ENTREP2: variants seen among roughly 807,000 people sequenced by gnomAD.
The protein encoded by ENTREP2 is protein ENTREP2.
At chr15:29,521,243 G>A in the ENTREP2 span, among the ~76,000 whole-genome samples, 1 of 152,178 alleles carries the variant, frequency 6.6e-6, no homozygotes, top group Non-Finnish European at 1.5e-5. Context: ...CAGAGTTAGT[G>A]TAATTCCAAT....
the ENTREP2 span, among the ~76,000 whole-genome samples, chr15:29,349,692 G>A: frequency 1.3e-5 from 2 of 152,234 alleles, no homozygotes; most frequent in South Asian, 2.1e-4. Flanking sequence ...GAGCTCAGGA[G>A]TTCGAGACCA....
At chr15:29,363,610 G>C in the ENTREP2 span, among the ~76,000 whole-genome samples, 5 of 152,148 alleles carry the variant, frequency 3.3e-5, no homozygotes, top group Admixed American at 6.5e-5. Flanking sequence ...ACTAATCCAG[G>C]CTGAAGTTCA....
At chr15:29,493,711 C>T in the ENTREP2 span, among the ~76,000 whole-genome samples, 1 of 152,048 alleles carries the variant, frequency 6.6e-6, no homozygotes, top group Non-Finnish European at 1.5e-5. Context: ...CATGGTGGCT[C>T]AGGCCTGTAA....
chr15:29,503,583 A>C, the ENTREP2 span, among the ~76,000 whole-genome samples: 6 of 152,214 alleles, frequency 3.9e-5, no homozygotes. Flanking sequence ...GGTGACTTGC[A>C]TGTTATGTGA....
the ENTREP2 span, among the ~76,000 whole-genome samples, chr15:29,439,240 G>A: frequency 0.17 from 25,645 of 149,694 alleles, 2,387 homozygotes; most frequent in East Asian, 0.35. Context: ...GCATCAGAAT[G>A]TAAGATGAAC....
the ENTREP2 span, among the ~76,000 whole-genome samples, chr15:29,306,778 C>T: frequency 4.4e-5 from 6 of 136,970 alleles, no homozygotes; most frequent in South Asian, 1.5e-3. Context: ...AGTGCAGTGG[C>T]GTGATTACCC....
chr15:29,641,270 G>T, the ENTREP2 span, among the ~76,000 whole-genome samples: 2 of 151,996 alleles, frequency 1.3e-5, no homozygotes, highest in Non-Finnish European at 2.9e-5. Flanking sequence ...GTCTGTTCTT[G>T]CCACCTCTAC....
At chr15:29,187,224 T>C in the ENTREP2 span, among the ~76,000 whole-genome samples, 1 of 152,216 alleles carries the variant, frequency 6.6e-6, no homozygotes, top group Non-Finnish European at 1.5e-5. Context: ...CCTGTCATAG[T>C]GAAAACACAA....
At chr15:29,317,387 T>C in the ENTREP2 span, among the ~76,000 whole-genome samples, 3 of 152,306 alleles carry the variant, frequency 2.0e-5, no homozygotes, top group East Asian at 3.9e-4. Context: ...AGGCAAAACA[T>C]TGTTCCCTTT....
At chr15:29,656,911 G>A in the ENTREP2 span, among the ~76,000 whole-genome samples, 1 of 152,156 alleles carries the variant, frequency 6.6e-6, no homozygotes, top group African/African-American at 2.4e-5. Flanking sequence ...GTTTAAAGCA[G>A]CTTTTTATGA....
chr15:29,134,530 T>C, the ENTREP2 span, among the ~76,000 whole-genome samples: 1 of 152,052 alleles, frequency 6.6e-6, no homozygotes, highest in Non-Finnish European at 1.5e-5. Context: ...CTGAAGGAGG[T>C]CCCTGTGGTA....
At chr15:29,507,351 G>C in the ENTREP2 span, among the ~76,000 whole-genome samples, 2 of 152,150 alleles carry the variant, frequency 1.3e-5, no homozygotes, top group African/African-American at 2.4e-5. Flanking sequence ...AGATCAATGA[G>C]ACAGAAAATT....
the ENTREP2 span, among the ~76,000 whole-genome samples, chr15:29,544,995 T>C: frequency 6.6e-6 from 1 of 152,180 alleles, no homozygotes; most frequent in Non-Finnish European, 1.5e-5. Flanking sequence ...CAAAAAGATT[T>C]CATGATGATA....
chr15:29,343,786 A>G, the ENTREP2 span, among the ~76,000 whole-genome samples: 4 of 152,280 alleles, frequency 2.6e-5, no homozygotes, highest in South Asian at 8.3e-4. Context: ...AGCCGTGTAA[A>G]TATCTCACCT....
the ENTREP2 span, among the ~76,000 whole-genome samples, chr15:29,483,855 A>G: frequency 6.6e-6 from 1 of 152,248 alleles, no homozygotes; most frequent in African/African-American, 2.4e-5. Flanking sequence ...TTAAATAACT[A>G]CAAAATGATT....
At chr15:29,545,836 C>A in the ENTREP2 span, among the ~76,000 whole-genome samples, 13 of 152,258 alleles carry the variant, frequency 8.5e-5, no homozygotes, top group Non-Finnish European at 1.6e-4. Flanking sequence ...TGGAAAACAT[C>A]TTGAAATGTT....
At chr15:29,417,416 G>A in the ENTREP2 span, among the ~76,000 whole-genome samples, 7 of 152,104 alleles carry the variant, frequency 4.6e-5, no homozygotes, top group African/African-American at 1.2e-4. Flanking sequence ...AACACCGCAT[G>A]TTCTCACTCA....
chr15:29,447,226 C>A, the ENTREP2 span, among the ~76,000 whole-genome samples: 3 of 151,986 alleles, frequency 2.0e-5, no homozygotes, highest in Admixed American at 2.0e-4. Context: ...AAAAGAAAGT[C>A]CAACCTTTAA....
At chr15:29,290,093 G>A in the ENTREP2 span, among the ~76,000 whole-genome samples, 1 of 152,210 alleles carries the variant, frequency 6.6e-6, no homozygotes, top group African/African-American at 2.4e-5. Flanking sequence ...AGGTACCAGA[G>A]GGACCCTCCT....
Sources: gnomAD v4.1 joint callset for allele counts (sites outside exome capture counted in the v4.1 genomes callset) on GRCh38, gnomAD v4.1.1 for gene constraint, MANE v1.5 for transcripts, NCBI Gene and HGNC (gene_info 2026-07-23, HGNC 2026-07-21) for gene names.